Variants in ADGRL3 observed in about 807,000 individuals in gnomAD.
ADGRL3 encodes adhesion G protein-coupled receptor L3, also known as calcium-independent alpha-latrotoxin receptor 3.
A neutral mutation model predicts 153.5 loss-of-function variants in ADGRL3; 62 were observed. The observed-to-expected ratio is 0.40, with a 90% CI of 0.33 to 0.50. The LOEUF is 0.50. Among genes scored for constraint, ADGRL3 ranks in the 20% least tolerant of loss-of-function variants. ADGRL3 has a pLI of 0.47. For missense variants in ADGRL3, 1,641 were observed against 1,859.4 expected, an observed-to-expected ratio of 0.88 and a Z score of 2.16; for synonymous variants, 710 against 672.5, an observed-to-expected ratio of 1.06 and a Z score of -0.86.
chr4:61,563,264 C>CT (rs909781839), intron 4 of ADGRL3, among the ~76,000 whole-genome samples: 7 of 152,008 alleles, frequency 4.6e-5, no homozygotes, highest in East Asian at 1.9e-4. Context: ...TGTAAGGAGT[C>CT]TTTTTTTTCT....
At chr4:61,911,636 A>G (rs2098722362) in intron 12 of ADGRL3, among the ~76,000 whole-genome samples, 1 of 152,166 alleles carries the variant, frequency 6.6e-6, no homozygotes. Flanking sequence ...GCAAACCACG[A>G]TGCAAGTCAG....
chr4:61,405,515 C>T (rs1004216838), intron 2 of ADGRL3, among the ~76,000 whole-genome samples: 1 of 151,862 alleles, frequency 6.6e-6, no homozygotes, highest in Admixed American at 6.6e-5. Context: ...TAAGAACTGT[C>T]CATTAAGCCT....
intron 2 of ADGRL3, among the ~76,000 whole-genome samples, chr4:61,448,235 A>C (rs941768594): frequency 6.6e-6 from 1 of 152,108 alleles, no homozygotes; most frequent in African/African-American, 2.4e-5. Context: ...GTATTTATTT[A>C]ACTTCTTTTA....
At chr4:61,843,993 C>G (rs974420177) in intron 9 of ADGRL3, among the ~76,000 whole-genome samples, 3 of 149,904 alleles carry the variant, frequency 2.0e-5, no homozygotes, top group African/African-American at 7.4e-5. Flanking sequence ...TGCACTCCAG[C>G]CTGGTGACAG....
At chr4:62,020,286 A>G (rs1256021512) in intron 21 of ADGRL3, among the ~76,000 whole-genome samples, 1 of 152,140 alleles carries the variant, frequency 6.6e-6, no homozygotes, top group Non-Finnish European at 1.5e-5. Context: ...AAAAGTTTGT[A>G]TATTCTCTTA....
intron 1 of ADGRL3, among the ~76,000 whole-genome samples, chr4:61,304,681 A>T (rs1346035881): frequency 6.6e-6 from 1 of 152,032 alleles, no homozygotes; most frequent in African/African-American, 2.4e-5. Flanking sequence ...TTTCCTTGTG[A>T]TAAAATGCTT....
intron 6 of ADGRL3, among the ~76,000 whole-genome samples, chr4:61,707,541 T>C (rs2095876383): frequency 6.6e-6 from 1 of 152,206 alleles, no homozygotes; most frequent in South Asian, 2.1e-4. Flanking sequence ...ATATTATTTT[T>C]TCAATTGATT....
intron 4 of ADGRL3, among the ~76,000 whole-genome samples, chr4:61,526,494 T>C (rs1263411951): frequency 6.6e-6 from 1 of 152,048 alleles, no homozygotes; most frequent in African/African-American, 2.4e-5. Flanking sequence ...ACTAATACAC[T>C]TGGCTGGGCA....
intron 4 of ADGRL3, among the ~76,000 whole-genome samples, chr4:61,528,126 G>A (rs1445668000): frequency 1.3e-5 from 2 of 151,982 alleles, no homozygotes; most frequent in Admixed American, 6.6e-5. Context: ...ACTATGCTTC[G>A]GTTCCCTCAT....
intron 9 of ADGRL3, among the ~76,000 whole-genome samples, chr4:61,858,072 G>A (rs890285492): frequency 6.6e-6 from 1 of 152,242 alleles, no homozygotes; most frequent in African/African-American, 2.4e-5. Context: ...CCGCTTTGTG[G>A]GAAAAGATAA....
At position 61,677,954 on chromosome 4, in the gene ADGRL3, A is replaced by G. The variant is rs375157985; in HGVS notation, c.583+1019A>G. On this transcript the variant is annotated intron_variant, in intron 6 of 26. Coordinates refer to ENST00000683033, the MANE Select transcript of ADGRL3 (RefSeq NM_001387552.1). ...ATAATAGTGAAAACAATTCAGAGAA[A>G]ATTTCGTTCAGCTTCATTTATAGAA... Among the ~76,000 whole-genome samples, 3 of 152,114 alleles carry G rather than the reference A, an allele frequency of 2.0e-5. No individual in the cohort carries two copies. In the East Asian group the frequency reaches 5.8e-4, roughly 29 times the overall value.
intron 9 of ADGRL3, among the ~76,000 whole-genome samples, chr4:61,851,553 G>T (rs1473396200): frequency 7.3e-6 from 1 of 136,790 alleles, no homozygotes; most frequent in Non-Finnish European, 1.5e-5. Flanking sequence ...TCATGCCACT[G>T]CACGCCAGCA....
chr4:61,427,784 C>A (rs369836692), intron 2 of ADGRL3: 2 of 152,802 alleles, frequency 1.3e-5, no homozygotes, highest in Admixed American at 6.5e-5. Context: ...GATCTCCAGG[C>A]GCTCTGCTTG....
At chr4:61,522,463 C>A (rs2098537129) in intron 4 of ADGRL3, among the ~76,000 whole-genome samples, 1 of 151,970 alleles carries the variant, frequency 6.6e-6, no homozygotes, top group African/African-American at 2.4e-5. Flanking sequence ...AAGCTGTGAT[C>A]AAAAAGGAAG....
chr4:61,360,717 G>T (rs995414032), intron 1 of ADGRL3, among the ~76,000 whole-genome samples: 5 of 152,060 alleles, frequency 3.3e-5, no homozygotes, highest in Admixed American at 6.6e-5. Context: ...ACATAACGAA[G>T]GCTAAAATCC....
rs1294369119 is a variant in ADGRL3 at position 61,200,335 on chromosome 4, T to C, written c.-1670T>C. Among the ~76,000 whole-genome samples, 1 of 151,666 alleles carries C rather than the reference T, an allele frequency of 6.6e-6. No individual in the cohort carries two copies. The highest frequency in any genetic ancestry group is 2.0e-4 in the East Asian group (1 of 5,066). ...CGCCCGACCGCTGCTCATTCTGGCC[T>C]CCGCTCCGGCCCCGGCTGCGCCTAC... On this transcript the variant is annotated 5_prime_UTR_variant, in exon 1 of 27. Coordinates refer to ENST00000683033, the MANE Select transcript of ADGRL3 (RefSeq NM_001387552.1).
At chr4:61,541,080 G>A (rs1295309668) in intron 4 of ADGRL3, among the ~76,000 whole-genome samples, 1 of 152,190 alleles carries the variant, frequency 6.6e-6, no homozygotes, top group African/African-American at 2.4e-5. Flanking sequence ...GGTAGGAGGG[G>A]CACTCCAAAG....
intron 1 of ADGRL3, among the ~76,000 whole-genome samples, chr4:61,360,435 A>T (rs2096265423): frequency 6.6e-6 from 1 of 152,194 alleles, no homozygotes; most frequent in African/African-American, 2.4e-5. Flanking sequence ...CTGACCAAAT[A>T]GTTTCTATAG....
intron 8 of ADGRL3, among the ~76,000 whole-genome samples, chr4:61,740,582 T>A (rs922822040): frequency 1.3e-5 from 2 of 152,220 alleles, no homozygotes; most frequent in Non-Finnish European, 2.9e-5. Context: ...CATTCTAATT[T>A]TCCTTGTTAA....
Sources: allele counts gnomAD v4.1 joint callset (sites outside exome capture counted in the v4.1 genomes callset), GRCh38; gene constraint gnomAD v4.1.1; transcripts MANE v1.5; gene names NCBI Gene and HGNC (gene_info 2026-07-23, HGNC 2026-07-21).